PRKCQ: variants seen among roughly 807,000 people sequenced by gnomAD.
PRKCQ encodes protein kinase C theta.
A neutral mutation model predicts 91.2 loss-of-function variants in PRKCQ; 41 were observed. The observed-to-expected ratio is 0.45, with a 90% CI of 0.35 to 0.58. The LOEUF (loss-of-function observed/expected upper bound fraction) is 0.58, where lower values mean the gene tolerates loss of function less well. Ranked by LOEUF, PRKCQ falls within the 20% of genes least tolerant of loss-of-function variation. The pLI is 0.00. For synonymous variants in PRKCQ, 307 were observed against 316.9 expected (o/e 0.97, Z 0.33); for missense variants, 673 against 896.5 (o/e 0.75, Z 3.18).
In PRKCQ at chr10:6,525,732, G is replaced by T. The variant is rs553694892; in HGVS notation, c.-9-10588C>A. 1.4e-4 allele frequency among the ~76,000 whole-genome samples: 21 copies of T among 152,342 alleles called. No homozygotes were observed. The South Asian group carries it at 4.3e-3, about 32-fold the overall frequency. On this transcript the variant is annotated intron_variant, in intron 1 of 17. Transcript: ENST00000263125. ...AGGCTCACTTGCCTCTTTCCTCCTTGATCTCCACACAGAGGGTCATTCCCA... is the reference window on the plus strand; with the variant it reads ...AGGCTCACTTGCCTCTTTCCTCCTTTATCTCCACACAGAGGGTCATTCCCA...
At chr10:6,404,580 TTTC>T in the PRKCQ span, among the ~76,000 whole-genome samples, 8 of 149,124 alleles carry the variant, frequency 5.4e-5, no homozygotes, top group Non-Finnish European at 8.9e-5. Flanking sequence ...TTTCTCTTTC[TTTC>T]TTTCTTTTTT....
intron 1 of PRKCQ, among the ~76,000 whole-genome samples, chr10:6,515,775 T>C (rs1201459713): frequency 2.0e-5 from 3 of 151,052 alleles, no homozygotes; most frequent in Non-Finnish European, 4.4e-5. Context: ...AAAATAGGGC[T>C]TTCTCATATA....
chr10:6,440,677 C>T (rs1359826229), intron 16 of PRKCQ, among the ~76,000 whole-genome samples: 1 of 151,990 alleles, frequency 6.6e-6, no homozygotes, highest in South Asian at 2.1e-4. Flanking sequence ...AGCAGGAGTC[C>T]CAGCTTTAAA....
rs1380861138 is a variant in PRKCQ at position 6,479,165 on chromosome 10, C to A, written c.1180G>T (p.Val394Phe). 2.5e-6 allele frequency: 4 copies of A among 1,613,140 alleles called. No individual in the cohort carries two copies. Among genetic ancestry groups the A allele is most frequent in the Non-Finnish European group, 3.4e-6 (4 of 1,179,568 alleles). The change falls in exon 12 of 18, where the codon GTC (valine) becomes TTC (phenylalanine). Residue 394 changes from valine (V) to phenylalanine (F), a missense_variant and splice_region_variant. Val to Phe is a conservative substitution (Grantham distance 50). Coordinates refer to ENST00000263125, the MANE Select transcript of PRKCQ (RefSeq NM_006257.5). ...KMLGKGSFGK[V>F]FLAEFKKTNQ... ...GTTTTCTTGAATTCTGCCAGGAAGA[C>A]CTAGAAGGAGAGGGAAGAAGTAACT...
chr10:6,566,972 A>T (rs1218555296), intron 1 of PRKCQ, among the ~76,000 whole-genome samples: 2 of 152,186 alleles, frequency 1.3e-5, no homozygotes, highest in African/African-American at 4.8e-5. Flanking sequence ...GGGAAATAAA[A>T]TATATTCCCT....
At chr10:6,395,865 T>C in the PRKCQ span, among the ~76,000 whole-genome samples, 2 of 152,094 alleles carry the variant, frequency 1.3e-5, no homozygotes, top group Admixed American at 6.5e-5. Context: ...ACTGAGTATA[T>C]TTTTCAGAGG....
intron 12 of PRKCQ, among the ~76,000 whole-genome samples, chr10:6,470,439 A>C (rs980608834): frequency 2.6e-5 from 4 of 152,332 alleles, no homozygotes; most frequent in African/African-American, 9.6e-5. Flanking sequence ...TGGGAACTGT[A>C]ATCACCTCAA....
intron 14 of PRKCQ, 91 bp downstream of exon 14, chr10:6,462,212 G>C: frequency 8.6e-7 from 1 of 1,167,124 alleles, no homozygotes; most frequent in South Asian, 1.3e-5. Flanking sequence ...GAAATCACAT[G>C]GGCTGTCTCA....
chr10:6,477,555 C>T (rs950391733), intron 12 of PRKCQ, among the ~76,000 whole-genome samples: 13 of 152,158 alleles, frequency 8.5e-5, no homozygotes, highest in Admixed American at 3.9e-4. Flanking sequence ...ACTCTCCAGT[C>T]GTCATGGCTT....
chr10:6,464,880 A>G (rs1835560311), intron 12 of PRKCQ, among the ~76,000 whole-genome samples: 1 of 152,124 alleles, frequency 6.6e-6, no homozygotes, highest in Non-Finnish European at 1.5e-5. Context: ...CATTTAAACA[A>G]TCTATGTTTT....
intron 16 of PRKCQ, among the ~76,000 whole-genome samples, chr10:6,433,337 C>T (rs565033402): frequency 7.9e-4 from 121 of 152,304 alleles, no homozygotes; most frequent in African/African-American, 2.9e-3. Context: ...TATCTTTTTT[C>T]CAAGGTTGTC....
chr10:6,511,046 G>C lies in PRKCQ; in HGVS notation c.267C>G (p.Leu89=), dbSNP rs138756715. The change falls in exon 3 of 18, where the codon CTC becomes CTG. Residue 89 remains leucine (L), a synonymous_variant. Coordinates refer to ENST00000263125, the MANE Select transcript of PRKCQ (RefSeq NM_006257.5). ...TCCTGCACCTCTCAGCCAGCGAGTA[G>C]AGCTCCACGGTGGTTTCAGAGATGA... ...VDLISETTVE[L]YSLAERCRKN... 3.4e-5 allele frequency: 55 copies of C among 1,614,102 alleles called. No homozygotes were observed. In the African/African-American group the frequency reaches 6.8e-4, roughly 20 times the overall value.
At chr10:6,435,771 A>G (rs1168268098) in intron 16 of PRKCQ, among the ~76,000 whole-genome samples, 1 of 152,220 alleles carries the variant, frequency 6.6e-6, no homozygotes, top group African/African-American at 2.4e-5. Context: ...GCTGCATTCA[A>G]AGCCATCCTG....
downstream of PRKCQ, among the ~76,000 whole-genome samples, chr10:6,423,775 A>C (rs907026078): frequency 6.6e-6 from 1 of 152,088 alleles, no homozygotes; most frequent in Admixed American, 6.5e-5. Flanking sequence ...TCTCTTGGCC[A>C]TCTGGTTTTT....
chr10:6,453,623 C>A (rs1244253423), intron 15 of PRKCQ, among the ~76,000 whole-genome samples: 1 of 152,208 alleles, frequency 6.6e-6, no homozygotes, highest in African/African-American at 2.4e-5. Flanking sequence ...ATGCACACAT[C>A]TGTTTGTTGT....
intron 12 of PRKCQ, among the ~76,000 whole-genome samples, chr10:6,472,379 C>G (rs1004741778): frequency 2.6e-5 from 4 of 152,192 alleles, no homozygotes; most frequent in African/African-American, 9.7e-5. Context: ...GAGTGAGTGT[C>G]TTGTTCTTTT....
chr10:6,433,389 T>C (rs923289135), intron 16 of PRKCQ, among the ~76,000 whole-genome samples: 2 of 152,216 alleles, frequency 1.3e-5, no homozygotes, highest in East Asian at 3.9e-4. Flanking sequence ...CCGGGCACCA[T>C]TGACATATCT....
intron 14 of PRKCQ, among the ~76,000 whole-genome samples, chr10:6,460,993 TCATC>T (rs899309763): frequency 1.3e-5 from 2 of 151,094 alleles, no homozygotes; most frequent in African/African-American, 4.9e-5. Context: ...CATCCATTCC[TCATC>T]CATCCATCAT....
chr10:6,474,382 A>G (rs1836159573), intron 12 of PRKCQ, among the ~76,000 whole-genome samples: 2 of 152,252 alleles, frequency 1.3e-5, no homozygotes, highest in African/African-American at 4.8e-5. Flanking sequence ...TAGTAACACT[A>G]CTTAAATGTC....
Sources: allele counts gnomAD v4.1 joint callset (sites outside exome capture counted in the v4.1 genomes callset), GRCh38; gene constraint gnomAD v4.1.1; transcripts MANE v1.5; gene names NCBI Gene and HGNC (gene_info 2026-07-23, HGNC 2026-07-21).